The following ADAMTS9 variants were observed in gnomAD, a reference collection of about 807,000 sequenced individuals.
ADAMTS9 encodes A disintegrin and metalloproteinase with thrombospondin motifs 9.
A neutral mutation model predicts 257.1 loss-of-function variants in ADAMTS9; 107 were observed. That is an observed-to-expected ratio of 0.42 (90% CI 0.36 to 0.49). ADAMTS9 has a LOEUF of 0.49. Ranked by LOEUF, ADAMTS9 falls within the 20% of genes least tolerant of loss-of-function variation. The pLI is 0.03. For missense variants in ADAMTS9, 2,353 were observed against 2,469.1 expected (o/e 0.95, Z 1.00); for synonymous variants, 982 against 880.9 (o/e 1.11, Z -2.03).
intron 11 of ADAMTS9, 114 bp from the exon 12 acceptor site, chr3:64,642,107 T>C (rs150073911): frequency 9.8e-4 from 1,162 of 1,189,016 alleles, no homozygotes; most frequent in Non-Finnish European, 1.3e-3. Context: ...GGGTTTGAAA[T>C]GCTGCAGGTT....
intron 37 of ADAMTS9, among the ~76,000 whole-genome samples, chr3:64,535,051 C>T (rs967531943): frequency 3.3e-5 from 5 of 152,114 alleles, no homozygotes; most frequent in African/African-American, 4.8e-5. Context: ...ATGCACGTCA[C>T]GCATTACCTG....
intron 26 of ADAMTS9, among the ~76,000 whole-genome samples, chr3:64,597,286 C>T (rs1458230231): frequency 6.6e-6 from 1 of 152,156 alleles, no homozygotes; most frequent in Non-Finnish European, 1.5e-5. Flanking sequence ...CACTTACTGT[C>T]TTTATCCCCT....
rs1341364592 is a variant in ADAMTS9, at chr3:64,620,544, G to A, written c.2813+570C>T. Among the ~76,000 whole-genome samples the A allele has an allele frequency of 1.3e-5, 2 of 152,132 alleles. 1 individual carries two copies. The highest frequency in any genetic ancestry group is 6.3e-3 in the Middle Eastern group (2 of 316). On this transcript the variant is annotated intron_variant, in intron 19 of 39. Coordinates refer to ENST00000498707, the MANE Select transcript of ADAMTS9 (RefSeq NM_182920.2). ...GTCAACCTTGCAGGCAAATAGAAAA[G>A]CTTCAGAATGCTCTACCCACCCAGT...
chr3:64,662,716 A>C (rs1701253862), intron 3 of ADAMTS9, among the ~76,000 whole-genome samples: 1 of 152,148 alleles, frequency 6.6e-6, no homozygotes, highest in African/African-American at 2.4e-5. Context: ...CACACATCAA[A>C]GGTCTCCAGT....
chr3:64,621,889 A>C (rs1181482296), intron 18 of ADAMTS9, among the ~76,000 whole-genome samples: 1 of 152,166 alleles, frequency 6.6e-6, no homozygotes, highest in Non-Finnish European at 1.5e-5. Flanking sequence ...AAAGAAAACA[A>C]AATAAATAAC....
In ADAMTS9 at chr3:64,658,669, C is replaced by T; in HGVS notation, c.802G>A (p.Ala268Thr). The T allele has an allele frequency of 6.2e-7, 1 of 1,614,054 alleles. No homozygotes were observed. Among genetic ancestry groups the T allele is most frequent in the East Asian group, 2.2e-5 (1 of 44,854 alleles). Reference protein sequence around the residue: ...NSGLATEAFSAYGNKTDNTRE... With the variant: ...NSGLATEAFSTYGNKTDNTRE... ...GTGTTGTCCGTCTTATTACCATAAG[C>T]AGAAAATGCCTCTGTTGCTAAGCCG... Residue 268 changes from alanine (A) to threonine (T), a missense_variant, in exon 4 of 40, where the codon GCT becomes ACT. By Grantham distance (58) the Ala-to-Thr change is moderately conservative. This residue lies in a region of ADAMTS9 where 591 missense variants were observed against 569.6 expected (regional missense o/e 1.04). Transcript: ENST00000498707.
chr3:64,522,064 T>G, intron 39 of ADAMTS9, 102 bp downstream of exon 39: 1 of 945,044 alleles, frequency 1.1e-6, no homozygotes, highest in Non-Finnish European at 1.6e-6. Context: ...AGCTTCAAGA[T>G]GCTTAACTGT....
intron 39 of ADAMTS9, among the ~76,000 whole-genome samples, chr3:64,517,428 T>TTTTTTTTTTTTTTTTG: frequency 7.7e-6 from 1 of 130,692 alleles, no homozygotes; most frequent in Non-Finnish European, 1.7e-5. Context: ...TTTTTTTTTT[T>TTTTTTTTTTTTTTTTG]TTTTTTTTTT....
chr3:64,639,016 A>G (rs1700570106), intron 12 of ADAMTS9, among the ~76,000 whole-genome samples: 1 of 152,054 alleles, frequency 6.6e-6, no homozygotes, highest in Non-Finnish European at 1.5e-5. Flanking sequence ...TTCCCCTCAA[A>G]CTCCTTGAGA....
At chr3:64,645,549 C>G (rs1364224588) in intron 11 of ADAMTS9, among the ~76,000 whole-genome samples, 1 of 152,168 alleles carries the variant, frequency 6.6e-6, no homozygotes, top group African/African-American at 2.4e-5. Flanking sequence ...ATACTGGCAA[C>G]TCTATGAAAA....
intron 14 of ADAMTS9, among the ~76,000 whole-genome samples, chr3:64,632,602 A>C (rs1700393287): frequency 1.3e-5 from 2 of 152,334 alleles, no homozygotes; most frequent in South Asian, 4.2e-4. Context: ...GAACTCTGAA[A>C]CATACACTGA....
At chr3:64,518,477 C>T (rs1289991522) in intron 39 of ADAMTS9, among the ~76,000 whole-genome samples, 1 of 152,166 alleles carries the variant, frequency 6.6e-6, no homozygotes, top group Non-Finnish European at 1.5e-5. Flanking sequence ...CCGTCTTTTA[C>T]TCAGCAGAAG....
chr3:64,648,833 C>T (rs1700861125), intron 10 of ADAMTS9, among the ~76,000 whole-genome samples: 1 of 152,096 alleles, frequency 6.6e-6, no homozygotes, highest in African/African-American at 2.4e-5. Context: ...CTTTCTTTTG[C>T]TTGGCATTTC....
chr3:64,599,095 T>C (rs2106801410), intron 26 of ADAMTS9, among the ~76,000 whole-genome samples: 1 of 152,026 alleles, frequency 6.6e-6, no homozygotes, highest in Admixed American at 6.5e-5. Context: ...CCAACTGAAG[T>C]GCTGGTGATA....
Position 64,633,551 on chromosome 3 carries a change from T to C in ADAMTS9, c.2096A>G (p.Tyr699Cys), listed in dbSNP as rs541873839. Residue 699 changes from tyrosine to cysteine, a missense_variant, in exon 14 of 40, where the codon TAT becomes TGT. Tyr to Cys is a radical substitution (Grantham distance 194). Transcript: ENST00000498707. ...FCRVAGNTAYYQLRDRVIDGT... is the reference protein window; with the variant it reads ...FCRVAGNTAYCQLRDRVIDGT... ...ATCTATCACTCTGTCTCGAAGCTGA[T>C]AGTAGGCTGTGTTCCCTGCCACTCT... is the stretch of plus-strand genomic sequence containing the variant. 1.9e-6 allele frequency: 3 copies of C among 1,614,104 alleles called. No homozygotes were observed. The highest frequency in any genetic ancestry group is 1.1e-5 in the South Asian group (1 of 91,076).
At chr3:64,651,972 C>G (rs1700942600) in intron 8 of ADAMTS9, among the ~76,000 whole-genome samples, 1 of 152,214 alleles carries the variant, frequency 6.6e-6, no homozygotes, top group South Asian at 2.1e-4. Flanking sequence ...CCATTCTTGG[C>G]TTAGCCAGCA....
In ADAMTS9 at chr3:64,687,760, C is replaced by T; in HGVS notation, c.-103G>A. 1.2e-6 allele frequency: 1 copy of T among 861,342 alleles called. No homozygotes were observed. The highest frequency in any genetic ancestry group is 2.3e-5 in the South Asian group (1 of 42,844). The allele number at this position is 861,342 out of a possible 1,614,324, so 53.4% of individuals were successfully genotyped here. The stretch of plus-strand genomic sequence containing the variant: ...AGCGGCCGTGGAGAGCGCGCGGAGC[C>T]CGGCGCCCGCCGCCAACTTTTGACT... On this transcript the variant is annotated 5_prime_UTR_variant, in exon 1 of 40. Transcript: ENST00000498707. The surrounding 1 kb of genome is among the most constrained non-coding windows in gnomAD (Gnocchi z 4.4).
chr3:64,631,809 A>G lies in ADAMTS9; in HGVS notation c.2292T>C (p.Tyr764=), dbSNP rs371817679. 2.2e-5 allele frequency: 35 copies of G among 1,610,588 alleles called. No individual in the cohort carries two copies. In the African/African-American group the frequency reaches 2.3e-4, roughly 10 times the overall value. The part of the protein sequence containing the change: ...TVAGTFNTVH[Y]GYNTVVRIPA... ...TGGTTCTTAGGAGCAGATTCTTACC[A>G]TAATGTACTGTATTAAATGTTCCTG... is the stretch of plus-strand genomic sequence containing the variant. The change falls in exon 15 of 40, where the codon TAT becomes TAC. Residue 764 remains tyrosine (Y), a splice_region_variant and synonymous_variant. Transcript: ENST00000498707.
chr3:64,647,387 A>G (rs1371801393), intron 11 of ADAMTS9, among the ~76,000 whole-genome samples: 2 of 152,208 alleles, frequency 1.3e-5, no homozygotes, highest in African/African-American at 4.8e-5. Context: ...GATTTTGTTT[A>G]TCTATTAACA....
Sources: allele counts gnomAD v4.1 joint callset (sites outside exome capture counted in the v4.1 genomes callset), GRCh38; gene constraint gnomAD v4.1.1; regional missense constraint gnomAD v4.1.1; non-coding constraint Gnocchi (gnomAD v3.1); transcripts MANE v1.5; gene names NCBI Gene and HGNC (gene_info 2026-07-23, HGNC 2026-07-21).